Variants in HRC observed in about 807,000 individuals in gnomAD.
HRC encodes the protein histidine rich calcium binding protein, also known as sarcoplasmic reticulum histidine-rich calcium-binding protein.
A neutral mutation model predicts 61.4 loss-of-function variants in HRC; 41 were observed. That is an observed-to-expected ratio of 0.67 (90% CI 0.52 to 0.87). HRC has a LOEUF of 0.87. Among genes scored for constraint, HRC ranks in the 40% least tolerant of loss-of-function variants. HRC has a pLI of 0.00. For missense variants in HRC, 839 were observed against 885.8 expected (o/e 0.95, Z 0.67); for synonymous variants, 308 against 326.6 (o/e 0.94, Z 0.62).
In HRC at chr19:49,153,352, C is replaced by G. The variant is rs1222841268; in HGVS notation, c.1832-21G>C. The G allele has an allele frequency of 4.3e-6, 7 of 1,612,938 alleles. No individual in the cohort carries two copies. In the South Asian group the frequency reaches 4.4e-5, roughly 10 times the overall value. On this transcript the variant is annotated intron_variant, in intron 1 of 5. Coordinates refer to ENST00000252825, the MANE Select transcript of HRC (RefSeq NM_002152.3). This position sits in a 1 kb window ranked among gnomAD's most constrained non-coding sequence, Gnocchi z 4.8. ...TGGACCTGCGGGGACAGGAGGGCAG[C>G]AGTGACCCAGGCTGACTCGGTTCCT... is the stretch of plus-strand genomic sequence containing the variant.
At chr19:49,151,852 A>G (rs1260381962) in intron 4 of HRC, 152 bp downstream of exon 4, 1 of 748,394 alleles carries the variant, frequency 1.3e-6, no homozygotes, top group East Asian at 2.7e-5. Flanking sequence ...TCCTCGAGCC[A>G]GGCCCCGGCC....
intron 4 of HRC, 118 bp downstream of exon 4, chr19:49,151,886 G>T: frequency 1.0e-6 from 1 of 997,930 alleles, no homozygotes; most frequent in Non-Finnish European, 1.5e-6. Context: ...CCTTGGCCAC[G>T]CCTCCCCTCT....
intron 2 of HRC, 108 bp from the exon 3 acceptor site, chr19:49,152,486 TTATCTC>T (rs1018784563): frequency 4.9e-6 from 4 of 808,796 alleles, no homozygotes; most frequent in African/African-American, 3.4e-5. Flanking sequence ...TCTACCCTCT[TTATCTC>T]TAACACTGAG....
rs2041379875 is a variant in HRC at position 49,153,349 on chromosome 19, C to T, written c.1832-18G>A. The T allele has an allele frequency of 1.9e-6, 3 of 1,613,062 alleles. No individual in the cohort carries two copies. Among genetic ancestry groups the T allele is most frequent in the Admixed American group, 3.3e-5 (2 of 60,018 alleles). On this transcript the variant is annotated intron_variant, in intron 1 of 5. Coordinates refer to ENST00000252825, the MANE Select transcript of HRC (RefSeq NM_002152.3). The surrounding 1 kb of genome is among the most constrained non-coding windows in gnomAD (Gnocchi z 4.8). ...CTGTGGACCTGCGGGGACAGGAGGG[C>T]AGCAGTGACCCAGGCTGACTCGGTT...
chr19:49,152,987 T>C (rs1160723495), intron 2 of HRC, among the ~76,000 whole-genome samples: 2 of 151,920 alleles, frequency 1.3e-5, no homozygotes, highest in Non-Finnish European at 1.5e-5. Context: ...CCCTGTGCCA[T>C]CCCTCCTTCC....
In HRC at chr19:49,153,934, C is replaced by T. The variant is rs76923406; in HGVS notation, c.1304G>A (p.Gly435Asp). 1.2e-6 allele frequency: 2 copies of T among 1,612,190 alleles called. No individual in the cohort carries two copies. Among genetic ancestry groups the T allele is most frequent in the Non-Finnish European group, 1.7e-6 (2 of 1,179,364 alleles). Residue 435 changes from glycine to aspartate, a missense_variant, in exon 1 of 6, where the codon GGC becomes GAC. Physicochemically the swap from Gly to Asp is moderately conservative, Grantham distance 94 (BLOSUM62 -1). Transcript: ENST00000252825. This position sits in a 1 kb window ranked among gnomAD's most constrained non-coding sequence, Gnocchi z 4.8. ...TTGCCTGTGGCTGGGGGCCTGGTGGCCAAGCTCAGCAGAGACCTCCTCATC... is the reference window on the plus strand; with the variant it reads ...TTGCCTGTGGCTGGGGGCCTGGTGGTCAAGCTCAGCAGAGACCTCCTCATC... ...EEDEEVSAELGHQAPSHRQSH... is the reference protein window; with the variant it reads ...EEDEEVSAELDHQAPSHRQSH...
At position 49,155,074 on chromosome 19, in the gene HRC, G is replaced by T. The variant is rs1311960694; in HGVS notation, c.164C>A (p.Ala55Glu). ...GVAGLSEEAS[A>E]ELRHHLHSPR... ...GCTGTGGAGGTGGTGGCGAAGCTCT[G>T]CTGATGCCTCCTCGGAGAGCCCGGC... Residue 55 changes from alanine (A) to glutamate (E), a missense_variant, in exon 1 of 6, where the codon GCA becomes GAA. Ala to Glu is a moderately radical substitution (Grantham distance 107). Transcript: ENST00000252825. The surrounding 1 kb of genome is among the most constrained non-coding windows in gnomAD (Gnocchi z 4.7). 1.4e-5 allele frequency: 23 copies of T among 1,614,064 alleles called. No individual in the cohort carries two copies. The highest frequency in any genetic ancestry group is 1.4e-5 in the Non-Finnish European group (17 of 1,180,046).
At position 49,153,519 on chromosome 19, in the gene HRC, C is replaced by T. The variant is rs1376731923; in HGVS notation, c.1719G>A (p.Glu573=). Residue 573 remains glutamate (E), a synonymous_variant, in exon 1 of 6, where the codon GAG becomes GAA. Coordinates refer to ENST00000252825, the MANE Select transcript of HRC (RefSeq NM_002152.3). This position sits in a 1 kb window ranked among gnomAD's most constrained non-coding sequence, Gnocchi z 4.8. ...GCTCATCTTCCTCCAGCCCCTCCTCCTCCTCCTCTTCCTCCTCGCTGTGGT... is the reference window on the plus strand; with the variant it reads ...GCTCATCTTCCTCCAGCCCCTCCTCTTCCTCCTCTTCCTCCTCGCTGTGGT... ...SPDHSEEEEE[E]EEGLEEDEPR... The T allele has an allele frequency of 3.2e-6, 5 of 1,582,424 alleles. No homozygotes were observed. Among genetic ancestry groups the T allele is most frequent in the Non-Finnish European group, 4.3e-6 (5 of 1,164,276 alleles).
chr19:49,151,263 G>T lies in HRC; in HGVS notation c.*33C>A, dbSNP rs1408340533. 1 of 1,524,436 alleles carries T rather than the reference G, an allele frequency of 6.6e-7. No individual in the cohort carries two copies. Among genetic ancestry groups the T allele is most frequent in the Middle Eastern group, 1.7e-4 (1 of 5,862 alleles). The allele number at this position is 1,524,436 out of a possible 1,614,324, so 94.4% of individuals were successfully genotyped here. Reference sequence around the variant, plus strand: ...GTGGAAAGGGGTTGGAAGGCAGGGGGAGGTACACCTGCGTCGCAGTCGAGC... The same window carrying T: ...GTGGAAAGGGGTTGGAAGGCAGGGGTAGGTACACCTGCGTCGCAGTCGAGC... On this transcript the variant is annotated 3_prime_UTR_variant, in exon 6 of 6. Transcript: ENST00000252825.
rs553028431 is a variant in HRC at position 49,154,814 on chromosome 19, T to C, written c.424A>G (p.Thr142Ala). Reference sequence around the variant, plus strand: ...TGCCTGTGCTCAGCTGAGTCTTCCGTGTCTTCACTCCCGTGGCCTCTGTGC... The same window carrying C: ...TGCCTGTGCTCAGCTGAGTCTTCCGCGTCTTCACTCCCGTGGCCTCTGTGC... ...RGHRGHGSED[T>A]EDSAEHRHHL... is the part of the protein sequence containing the mutation. Residue 142 changes from threonine (T) to alanine (A), a missense_variant, in exon 1 of 6, where the codon ACG becomes GCG. By Grantham distance (58) the Thr-to-Ala change is moderately conservative. Transcript: ENST00000252825. The C allele has an allele frequency of 6.2e-7, 1 of 1,613,370 alleles. No homozygotes were observed. The highest frequency in any genetic ancestry group is 1.1e-5 in the South Asian group (1 of 91,040).
At chr19:49,152,777 T>C (rs1177509321) in intron 2 of HRC, among the ~76,000 whole-genome samples, 1 of 151,814 alleles carries the variant, frequency 6.6e-6, no homozygotes, top group African/African-American at 2.4e-5. Flanking sequence ...TTCACCGTGT[T>C]AGCCAGGATG....
At position 49,153,543 on chromosome 19, in the gene HRC, G is replaced by C. The variant is rs569837257; in HGVS notation, c.1695C>G (p.Asp565Glu). 1.3e-6 allele frequency: 2 copies of C among 1,577,786 alleles called. No individual in the cohort carries two copies. The highest frequency in any genetic ancestry group is 1.7e-6 in the Non-Finnish European group (2 of 1,161,564). Reference protein sequence around the residue: ...RAEVGAPLSPDHSEEEEEEEE... With the variant: ...RAEVGAPLSPEHSEEEEEEEE... ...CCTCCTCCTCTTCCTCCTCGCTGTG[G>C]TCTGGGCTCAGTGGGGCCCCAACCT... Residue 565 changes from aspartate to glutamate, a missense_variant, in exon 1 of 6, where the codon GAC becomes GAG. By Grantham distance (45) the Asp-to-Glu change is conservative. Coordinates refer to ENST00000252825, the MANE Select transcript of HRC (RefSeq NM_002152.3). The surrounding 1 kb of genome is among the most constrained non-coding windows in gnomAD (Gnocchi z 4.8).
At chr19:49,152,151 G>T in intron 3 of HRC, 93 bp from the exon 4 acceptor site, 2 of 1,329,640 alleles carry the variant, frequency 1.5e-6, no homozygotes, top group Non-Finnish European at 2.2e-6. Context: ...CCAGAGGCTA[G>T]GTCTAGGTTA....
In HRC at chr19:49,154,898, C is replaced by T. The variant is rs769867452; in HGVS notation, c.340G>A (p.Gly114Arg). The T allele has an allele frequency of 8.7e-6, 14 of 1,614,092 alleles. No individual in the cohort carries two copies. The highest frequency in any genetic ancestry group is 1.6e-4 in the Middle Eastern group (1 of 6,084). Reference sequence around the variant, plus strand: ...TCCTCACCTGAGACACCCTCATCTCCGACTTTGTGGTCTTGGGACCTGTGG... The same window carrying T: ...TCCTCACCTGAGACACCCTCATCTCTGACTTTGTGGTCTTGGGACCTGTGG... The part of the protein sequence containing the change: ...PGHRSQDHKV[G>R]DEGVSGEEVF... The change falls in exon 1 of 6, where the codon GGA (glycine) becomes AGA (arginine). Residue 114 changes from glycine to arginine, a missense_variant. Gly to Arg is a moderately radical substitution (Grantham distance 125). Coordinates refer to ENST00000252825, the MANE Select transcript of HRC (RefSeq NM_002152.3).
chr19:49,155,206 G>A lies in HRC; in HGVS notation c.32C>T (p.Ser11Phe). 2 of 1,610,928 alleles carry A rather than the reference G, an allele frequency of 1.2e-6. No homozygotes were observed. Among genetic ancestry groups the A allele is most frequent in the Non-Finnish European group, 1.7e-6 (2 of 1,179,618 alleles). The change falls in exon 1 of 6, where the codon TCT becomes TTT. Residue 11 changes from serine to phenylalanine, a missense_variant. By Grantham distance (155) the Ser-to-Phe change is radical. Transcript: ENST00000252825. The surrounding 1 kb of genome is among the most constrained non-coding windows in gnomAD (Gnocchi z 4.7). ...GCTGGCCACCCCAGCCCAGAGGACA[G>A]AAGCGTGCAGCCATGGCCTATGGTG... MGHHRPWLHA[S>F]VLWAGVASLL...
In HRC at chr19:49,153,256, C is replaced by T. The variant is rs758433464; in HGVS notation, c.1902+5G>A. The T allele has an allele frequency of 6.2e-7, 1 of 1,610,028 alleles. No homozygotes were observed. The highest frequency in any genetic ancestry group is 2.2e-5 in the East Asian group (1 of 44,858). ...TTGGTGGGTGGATCTGGGCTGGGGA[C>T]ATACATTGCAGAAGGAGCAGTAGCC... is the stretch of plus-strand genomic sequence containing the variant. On this transcript the variant is annotated splice_donor_5th_base_variant and intron_variant, in intron 2 of 5. Transcript: ENST00000252825. The surrounding 1 kb of genome is among the most constrained non-coding windows in gnomAD (Gnocchi z 4.8).
chr19:49,151,792 C>A (rs775399494), intron 4 of HRC, among the ~76,000 whole-genome samples: 12 of 152,192 alleles, frequency 7.9e-5, no homozygotes, highest in Non-Finnish European at 1.2e-4. Context: ...GCCCGCATCT[C>A]AACCCTCCAC....
rs1282261394 is a variant in HRC at position 49,152,023 on chromosome 19, G to A, written c.2007C>T (p.Cys669=). The A allele has an allele frequency of 6.2e-7, 1 of 1,614,208 alleles. No individual in the cohort carries two copies. The highest frequency in any genetic ancestry group is 8.5e-7 in the Non-Finnish European group (1 of 1,180,026). The change falls in exon 4 of 6, where the codon TGC becomes TGT. Residue 669 remains cysteine (C), a synonymous_variant. Transcript: ENST00000252825. Reference sequence around the variant, plus strand: ...GCTCACCTGGAGCGCAGACCGTTTCGCAGACCAGCGGGCAGAGATAGCAGA... The same window carrying A: ...GCTCACCTGGAGCGCAGACCGTTTCACAGACCAGCGGGCAGAGATAGCAGA... ...CQFCYLCPLV[C]ETVCAPGSYV... is the part of the protein sequence containing the mutation.
rs1255744593 is a variant in HRC at position 49,152,076 on chromosome 19, G to A, written c.1972-18C>T. On this transcript the variant is annotated intron_variant, in intron 3 of 5. Transcript: ENST00000252825. ...TGACAGTGCTGGAGGCGGGGACGGG[G>A]AGAGAGAGTGAGCGTGGGGCGTGGC... 3 of 1,612,084 alleles carry A rather than the reference G, an allele frequency of 1.9e-6. No individual in the cohort carries two copies. Among genetic ancestry groups the A allele is most frequent in the Non-Finnish European group, 1.7e-6 (2 of 1,178,290 alleles).
Sources: gnomAD v4.1 joint callset for allele counts (sites outside exome capture counted in the v4.1 genomes callset) on GRCh38, gnomAD v4.1.1 for gene constraint, Gnocchi (gnomAD v3.1) non-coding constraint, MANE v1.5 for transcripts, NCBI Gene and HGNC (gene_info 2026-07-23, HGNC 2026-07-21) for gene names.